The following EBF2 variants were observed in gnomAD, a reference collection of about 807,000 sequenced individuals.
EBF2 encodes EBF transcription factor 2.
Under a neutral mutation model 72.8 loss-of-function variants are expected in EBF2, and 21 were observed. That is an observed-to-expected ratio of 0.29 (90% confidence interval 0.20 to 0.42). The LOEUF (loss-of-function observed/expected upper bound fraction) is 0.42. EBF2 is among the 10% of genes least tolerant of loss of function. The pLI, the probability that EBF2 is intolerant of heterozygous loss-of-function variation, is 1.00. For synonymous variants in EBF2, 299 were observed against 274.2 expected (o/e 1.09, Z -0.89); for missense variants, 637 against 731.2 (o/e 0.87, Z 1.49).
rs931897075 is a variant in EBF2, at chr8:25,954,472, AC to A, written c.552-45918del. 1.1e-4 allele frequency among the ~76,000 whole-genome samples: 16 copies of A among 152,168 alleles called. 1 individual carries two copies. Among genetic ancestry groups the A allele is most frequent in the African/African-American group, 3.9e-4 (16 of 41,524 alleles). The stretch of plus-strand genomic sequence containing the variant: ...AGAGAGCACAGGTCCAAAGAGAAAG[AC>A]CCCCAGAGGTCAAGGGCAATGGGTC... On this transcript the variant is annotated intron_variant, in intron 6 of 15. Transcript: ENST00000520164.
intron 6 of EBF2, among the ~76,000 whole-genome samples, chr8:25,988,265 G>A (rs1804492767): frequency 6.6e-6 from 1 of 152,174 alleles, no homozygotes; most frequent in South Asian, 2.1e-4. Flanking sequence ...AAGCAGACAA[G>A]CTTTGATCTT....
intron 6 of EBF2, among the ~76,000 whole-genome samples, chr8:26,019,637 C>T (rs1182511032): frequency 1.3e-5 from 2 of 152,166 alleles, no homozygotes; most frequent in Non-Finnish European, 2.9e-5. Flanking sequence ...AAATTCCCAC[C>T]TCTTGTTCTG....
At chr8:25,848,688 CTTTTTTCCT>C (rs1304966460) in intron 15 of EBF2, among the ~76,000 whole-genome samples, 2 of 152,070 alleles carry the variant, frequency 1.3e-5, no homozygotes, top group Non-Finnish European at 2.9e-5. Context: ...GTCAAGTATC[CTTTTTTCCT>C]TTAAGTAACA....
intron 6 of EBF2, among the ~76,000 whole-genome samples, chr8:25,945,088 G>GCCCA (rs1803744005): frequency 7.9e-6 from 1 of 127,378 alleles, no homozygotes; most frequent in Non-Finnish European, 1.6e-5. Context: ...TTGTTCTGTT[G>GCCCA]CCCCCCCCGC....
intron 10 of EBF2, among the ~76,000 whole-genome samples, chr8:25,876,692 C>T (rs1005260008): frequency 6.6e-6 from 1 of 152,120 alleles, no homozygotes; most frequent in East Asian, 1.9e-4. Context: ...ATAAACTGTA[C>T]AGTACTGGGA....
At chr8:26,034,270 A>C (rs536555729) in intron 5 of EBF2, among the ~76,000 whole-genome samples, 1 of 152,338 alleles carries the variant, frequency 6.6e-6, no homozygotes, top group African/African-American at 2.4e-5. Context: ...TGAAGCAAGG[A>C]GCTGTTGGAT....
At chr8:25,877,413 C>A (rs1802541184) in intron 10 of EBF2, among the ~76,000 whole-genome samples, 1 of 152,226 alleles carries the variant, frequency 6.6e-6, no homozygotes, top group South Asian at 2.1e-4. Context: ...GCCCTGTTCT[C>A]ACGTGGCTCT....
chr8:26,038,802 G>A (rs983757731), intron 5 of EBF2, among the ~76,000 whole-genome samples: 5 of 152,170 alleles, frequency 3.3e-5, no homozygotes, highest in Non-Finnish European at 5.9e-5. Flanking sequence ...AGTTTGTTTT[G>A]GTACTTGGTC....
intron 11 of EBF2, among the ~76,000 whole-genome samples, chr8:25,861,915 C>G (rs1177563770): frequency 6.6e-6 from 1 of 152,160 alleles, no homozygotes; most frequent in East Asian, 1.9e-4. Flanking sequence ...TCCCTTTCCT[C>G]TCATTTTGCC....
chr8:25,995,438 T>C (rs1367672793), intron 6 of EBF2, among the ~76,000 whole-genome samples: 3 of 152,190 alleles, frequency 2.0e-5, no homozygotes, highest in Non-Finnish European at 4.4e-5. Flanking sequence ...GACAGATCCA[T>C]GAGCAAAAAT....
chr8:25,995,095 C>T (rs1050447638), intron 6 of EBF2, among the ~76,000 whole-genome samples: 17 of 152,068 alleles, frequency 1.1e-4, no homozygotes, highest in African/African-American at 4.1e-4. Context: ...CACGTGAGGT[C>T]AGGAGTTCGA....
intron 6 of EBF2, among the ~76,000 whole-genome samples, chr8:25,940,816 A>G (rs546134364): frequency 6.6e-6 from 1 of 152,196 alleles, no homozygotes; most frequent in African/African-American, 2.4e-5. Flanking sequence ...TGCATTTTCC[A>G]TGTGCCTCTT....
chr8:25,927,415 T>C (rs1803405060), intron 6 of EBF2, among the ~76,000 whole-genome samples: 1 of 150,794 alleles, frequency 6.6e-6, no homozygotes, highest in South Asian at 2.1e-4. Flanking sequence ...ATATATCATA[T>C]ATAATATACA....
At chr8:26,024,556 C>T (rs1315847781) in intron 6 of EBF2, among the ~76,000 whole-genome samples, 1 of 152,120 alleles carries the variant, frequency 6.6e-6, no homozygotes, top group Admixed American at 6.6e-5. Context: ...ACCTATCTGC[C>T]ACTGGACATA....
At chr8:25,989,013 G>A (rs951933953) in intron 6 of EBF2, among the ~76,000 whole-genome samples, 2 of 152,194 alleles carry the variant, frequency 1.3e-5, no homozygotes, top group East Asian at 1.9e-4. Context: ...GGACAGTTGC[G>A]GTGTAGAGGA....
At chr8:26,002,868 AGGCGGGCAGGCGGGCAGGCG>A (rs763427117) in intron 6 of EBF2, among the ~76,000 whole-genome samples, 27,011 of 111,192 alleles carry the variant, frequency 0.24, 2,811 homozygotes, top group South Asian at 0.36. Context: ...GCAGGCGGGC[AGGCGGGCAGGCGGGCAGGCG>A]GGCAGGCAGG....
At chr8:25,895,901 CT>C (rs1395293527) in intron 7 of EBF2, among the ~76,000 whole-genome samples, 2 of 149,132 alleles carry the variant, frequency 1.3e-5, no homozygotes, top group East Asian at 4.0e-4. Context: ...ATGTCCTTGG[CT>C]TTTTGGAACA....
chr8:25,862,888 G>T (rs1438971578), intron 10 of EBF2, 91 bp from the exon 11 acceptor site: 2 of 841,752 alleles, frequency 2.4e-6, no homozygotes, highest in Non-Finnish European at 3.5e-6. Context: ...AGAAGGTTCT[G>T]GATGCATAAT....
At chr8:25,936,840 G>A (rs920749081) in intron 6 of EBF2, among the ~76,000 whole-genome samples, 3 of 152,114 alleles carry the variant, frequency 2.0e-5, no homozygotes, top group Admixed American at 2.0e-4. Context: ...CTTACTAAAA[G>A]TATCATCTTC....
Sources: gnomAD v4.1 joint callset for allele counts (sites outside exome capture counted in the v4.1 genomes callset) on GRCh38, gnomAD v4.1.1 for gene constraint, MANE v1.5 for transcripts, NCBI Gene and HGNC (gene_info 2026-07-23, HGNC 2026-07-21) for gene names.